The following GALNT6 variants were observed in gnomAD, a reference collection of about 807,000 sequenced individuals.
GALNT6 encodes the protein polypeptide N-acetylgalactosaminyltransferase 6.
A neutral mutation model predicts 65.9 loss-of-function variants in GALNT6; 51 were observed. The ratio of observed to expected loss-of-function variants is 0.77; its 90% confidence interval spans 0.62 to 0.98. The LOEUF (loss-of-function observed/expected upper bound fraction) is 0.98. GALNT6 is among the 50% of genes least tolerant of loss of function. GALNT6 has a pLI of 0.00. For synonymous variants in GALNT6, 323 were observed against 315.1 expected (o/e 1.02, Z -0.26); for missense variants, 708 against 803.3 (o/e 0.88, Z 1.43).
chr12:51,370,158 C>A (rs1286089668), intron 4 of GALNT6, among the ~76,000 whole-genome samples: 5 of 152,230 alleles, frequency 3.3e-5, no homozygotes, highest in Non-Finnish European at 7.3e-5. Flanking sequence ...GTCACGATAG[C>A]CAAAGGCAGA....
rs1356088404 is a variant in GALNT6 at position 51,365,530 on chromosome 12, C to T, written c.714G>A (p.Val238=). ...TCCGCTCCTCCTGCCGCACCACCCT[C>T]ACCACCTGCAGCTGCTTCACGTACT... The part of the protein sequence containing the change: ...LEQYVKQLQV[V]RVVRQEERKG... Residue 238 remains valine, a synonymous_variant, in exon 5 of 12, where the codon GTG becomes GTA. Transcript: ENST00000356317. 2.5e-6 allele frequency: 4 copies of T among 1,613,268 alleles called. No homozygotes were observed. Among genetic ancestry groups the T allele is most frequent in the South Asian group, 1.1e-5 (1 of 91,034 alleles).
chr12:51,362,378 G>A (rs1946950830), intron 6 of GALNT6, among the ~76,000 whole-genome samples: 1 of 152,102 alleles, frequency 6.6e-6, no homozygotes, highest in Non-Finnish European at 1.5e-5. Flanking sequence ...CTCCTCTTAG[G>A]CTCTGGTTGG....
chr12:51,361,098 A>G (rs150511713), intron 6 of GALNT6, among the ~76,000 whole-genome samples: 105 of 152,366 alleles, frequency 6.9e-4, no homozygotes, highest in African/African-American at 2.5e-3. Context: ...GGATGCACGT[A>G]ACACTGGCCA....
At chr12:51,379,174 C>A in intron 3 of GALNT6, 117 bp downstream of exon 3, 1 of 1,016,466 alleles carries the variant, frequency 9.8e-7, no homozygotes, top group East Asian at 2.6e-5. Flanking sequence ...GATCCTTGCC[C>A]ATATTATAAA....
chr12:51,362,384 G>A (rs1013392066), intron 6 of GALNT6, among the ~76,000 whole-genome samples: 10 of 152,250 alleles, frequency 6.6e-5, no homozygotes, highest in African/African-American at 2.4e-4. Context: ...TTAGGCTCTG[G>A]TTGGCTTGAG....
At chr12:51,369,362 CT>C (rs1947216413) in intron 4 of GALNT6, among the ~76,000 whole-genome samples, 1 of 152,182 alleles carries the variant, frequency 6.6e-6, no homozygotes. Context: ...GATACTCCAC[CT>C]GTTCCACCCC....
intron 2 of GALNT6, 146 bp downstream of exon 2, chr12:51,390,704 G>C (rs1948047188): frequency 7.3e-6 from 1 of 137,556 alleles, no homozygotes; most frequent in African/African-American, 2.6e-5. Context: ...TGTGTGTGTG[G>C]GCCTGGGGGC....
intron 2 of GALNT6, among the ~76,000 whole-genome samples, chr12:51,390,448 G>A (rs1236098830): frequency 6.6e-6 from 1 of 152,144 alleles, no homozygotes; most frequent in Non-Finnish European, 1.5e-5. Context: ...ACAGGCATGA[G>A]CCACCACATG....
At chr12:51,368,512 A>G (rs1024595736) in intron 4 of GALNT6, among the ~76,000 whole-genome samples, 2 of 150,360 alleles carry the variant, frequency 1.3e-5, no homozygotes, top group Admixed American at 1.3e-4. Flanking sequence ...TCAAGCAATT[A>G]TCCTGCTTCA....
At chr12:51,376,633 CAAAA>C (rs35109462) in intron 4 of GALNT6, among the ~76,000 whole-genome samples, 8 of 83,974 alleles carry the variant, frequency 9.5e-5, no homozygotes, top group East Asian at 3.4e-4. Context: ...AACTCCATCT[CAAAA>C]AAAAAAAAAA....
chr12:51,382,376 C>T (rs1331578884), intron 2 of GALNT6: 1 of 152,468 alleles, frequency 6.6e-6, no homozygotes, highest in Non-Finnish European at 1.5e-5. Context: ...GCAGGAAACT[C>T]AGCAAATGGG....
chr12:51,379,783 C>T lies in GALNT6; in HGVS notation c.-2G>A, dbSNP rs765692706. 6.3e-7 allele frequency: 1 copy of T among 1,599,542 alleles called. No homozygotes were observed. Among genetic ancestry groups the T allele is most frequent in the Non-Finnish European group, 8.5e-7 (1 of 1,176,130 alleles). ...GTGGCGTCTGCGGAGGAGCCTCATC[C>T]TCCAGAACCAAGGGGCACCCCAGCT... is the stretch of plus-strand genomic sequence containing the variant. On this transcript the variant is annotated 5_prime_UTR_variant, in exon 3 of 12. Transcript: ENST00000356317.
Position 51,379,611 on chromosome 12 carries a change from C to CA in GALNT6, c.170dup (p.Met57IlefsTer9). The CA allele has an allele frequency of 6.2e-7, 1 of 1,614,158 alleles. No individual in the cohort carries two copies. Among genetic ancestry groups the CA allele is most frequent in the Non-Finnish European group, 8.5e-7 (1 of 1,180,002 alleles). ...CTCTAAGGTTGTTCATGGCCTCCAG[C>CA]ATGAGGTCCAGGACGTGATCCTTCC... On this transcript the variant is annotated frameshift_variant, in exon 3 of 12. Transcript: ENST00000356317. LOFTEE classifies it high-confidence loss of function.
In GALNT6 at chr12:51,379,702, A is replaced by G; in HGVS notation, c.80T>C (p.Leu27Pro). The G allele has an allele frequency of 6.2e-7, 1 of 1,614,018 alleles. No homozygotes were observed. Reference sequence around the variant, plus strand: ...CTCTCTGCTGCTCACATCCCTATGCAGGAGGAAGAGGAAGAGCACAAAGGC... The same window carrying G: ...CTCTCTGCTGCTCACATCCCTATGCGGGAGGAAGAGGAAGAGCACAAAGGC... Reference protein sequence around the residue: ...GCAFVLFLFLLHRDVSSREEA... With the variant: ...GCAFVLFLFLPHRDVSSREEA... Residue 27 changes from leucine (L) to proline (P), a missense_variant, in exon 3 of 12, where the codon CTG (leucine) becomes CCG (proline). Physicochemically the swap from Leu to Pro is moderately conservative, Grantham distance 98. Coordinates refer to ENST00000356317, the MANE Select transcript of GALNT6 (RefSeq NM_007210.4).
At position 51,357,354 on chromosome 12, in the gene GALNT6, TGCC is replaced by T; in HGVS notation, c.1594_1596del (p.Gly532del). On this transcript the variant is annotated inframe_deletion, in exon 10 of 12. Coordinates refer to ENST00000356317, the MANE Select transcript of GALNT6 (RefSeq NM_007210.4). ...GAGATGGGTGGGCTGCATACCTGGT[TGCC>T]GCCAAGGCCGTGGCAGGAGTACATG... 10 of 1,608,772 alleles carry T rather than the reference TGCC, an allele frequency of 6.2e-6. No individual in the cohort carries two copies. Among genetic ancestry groups the T allele is most frequent in the Non-Finnish European group, 6.8e-6 (8 of 1,175,142 alleles).
chr12:51,352,424 G>T lies in GALNT6; in HGVS notation c.*1955C>A, dbSNP rs187042678. On this transcript the variant is annotated 3_prime_UTR_variant, in exon 12 of 12. Transcript: ENST00000356317. ...CAGTTTCATAATATGAAAATGATAGGGTTGGGCTACGTGATTTTCACGTTG... is the reference window on the plus strand; with the variant it reads ...CAGTTTCATAATATGAAAATGATAGTGTTGGGCTACGTGATTTTCACGTTG... 2.0e-5 allele frequency: 3 copies of T among 152,342 alleles called. No individual in the cohort carries two copies. The highest frequency in any genetic ancestry group is 3.9e-4 in the East Asian group (2 of 5,186). 9.4% of individuals were successfully genotyped at this position (152,342 alleles called of 1,614,324 possible).
rs1290779366 is a variant in GALNT6, at chr12:51,379,833, A to C, written c.-52T>G. On this transcript the variant is annotated 5_prime_UTR_variant, in exon 3 of 12. Transcript: ENST00000356317. ...TGCGTCAGCTCTGAGTCCTGAGCCC[A>C]ACCCTGGAGATAGCTTGATACGTTG... 6.5e-6 allele frequency: 10 copies of C among 1,528,892 alleles called. No individual in the cohort carries two copies. Among genetic ancestry groups the C allele is most frequent in the Non-Finnish European group, 8.8e-6 (10 of 1,141,468 alleles). 94.7% of individuals were successfully genotyped at this position (1,528,892 alleles called of 1,614,324 possible).
At chr12:51,364,752 T>C (rs4761881) in intron 5 of GALNT6, among the ~76,000 whole-genome samples, 134,590 of 152,278 alleles carry the variant, frequency 0.88, 59,637 homozygotes, top group South Asian at 0.97. Context: ...CAGCCCTAAT[T>C]GTAGAAGAAT....
At chr12:51,381,961 C>T (rs1333864614) in intron 2 of GALNT6, among the ~76,000 whole-genome samples, 4 of 152,356 alleles carry the variant, frequency 2.6e-5, no homozygotes, top group South Asian at 2.1e-4. Flanking sequence ...TTTAAACGCA[C>T]AAGCTCCTGC....
Sources: gnomAD v4.1 joint callset for allele counts (sites outside exome capture counted in the v4.1 genomes callset) on GRCh38, gnomAD v4.1.1 for gene constraint, MANE v1.5 for transcripts, NCBI Gene and HGNC (gene_info 2026-07-23, HGNC 2026-07-21) for gene names.